Variants in AUNIP observed in about 807,000 individuals in gnomAD.
AUNIP encodes the protein aurora kinase A- and ninein-interacting protein.
In AUNIP, 16 loss-of-function variants were observed where a neutral mutation model predicts 12.2. That is an observed-to-expected ratio of 1.31 (90% CI 0.88 to 1.99). The LOEUF (loss-of-function observed/expected upper bound fraction) is 1.99. Ranked by LOEUF, AUNIP falls within the 30% of genes most tolerant of loss-of-function variation. The pLI, the probability that AUNIP is intolerant of heterozygous loss-of-function variation, is 0.00. For missense variants in AUNIP, 411 were observed against 419.1 expected (o/e 0.98, Z 0.17); for synonymous variants, 142 against 154.8 (o/e 0.92, Z 0.61).
chr1:25,855,837 G>A (rs1218448288), intron 1 of AUNIP, among the ~76,000 whole-genome samples: 1 of 152,194 alleles, frequency 6.6e-6, no homozygotes, highest in Non-Finnish European at 1.5e-5. Flanking sequence ...GGAAGTCAGA[G>A]TAATAGTTAA....
At chr1:25,853,915 T>G (rs2048440261) in intron 1 of AUNIP, among the ~76,000 whole-genome samples, 1 of 152,174 alleles carries the variant, frequency 6.6e-6, no homozygotes, top group Non-Finnish European at 1.5e-5. Flanking sequence ...CAATATTCTA[T>G]TCATTAGAAG....
intron 1 of AUNIP, among the ~76,000 whole-genome samples, chr1:25,840,140 GT>G (rs2048338982): frequency 6.6e-6 from 1 of 152,080 alleles, no homozygotes; most frequent in South Asian, 2.1e-4. Context: ...TAGCAGACAA[GT>G]TAACAGTTAA....
At position 25,847,563 on chromosome 1, in the gene AUNIP, C is replaced by A. The variant is rs898426539; in HGVS notation, c.79-10009G>T. ...TACAGGCATAAACCACCACACCCGA[C>A]CTTAAAAAACATTTAAGCAATCCCC... On this transcript the variant is annotated intron_variant, in intron 1 of 2. Transcript: ENST00000374298. This position sits in a 1 kb window ranked among gnomAD's most constrained non-coding sequence, Gnocchi z 4.2. Among the ~76,000 whole-genome samples, 3 of 152,118 alleles carry A rather than the reference C, an allele frequency of 2.0e-5. No homozygotes were observed. Among genetic ancestry groups the A allele is most frequent in the Non-Finnish European group, 4.4e-5 (3 of 68,020 alleles).
intron 1 of AUNIP, among the ~76,000 whole-genome samples, chr1:25,857,247 A>ATT (rs71004545): frequency 0.025 from 3,082 of 125,212 alleles, 146 homozygotes; most frequent in African/African-American, 0.082. Flanking sequence ...GCACATTTTG[A>ATT]TTTTTTTTTT....
intron 1 of AUNIP, among the ~76,000 whole-genome samples, chr1:25,856,031 A>G (rs552924133): frequency 6.6e-6 from 1 of 152,200 alleles, no homozygotes; most frequent in Non-Finnish European, 1.5e-5. Flanking sequence ...TGTTTTCACC[A>G]TAACATTGCC....
At chr1:25,858,784 T>C (rs1285788942) in intron 1 of AUNIP, among the ~76,000 whole-genome samples, 1 of 152,134 alleles carries the variant, frequency 6.6e-6, no homozygotes, top group Non-Finnish European at 1.5e-5. Context: ...CCCCTTCCCA[T>C]AGCTTCTACT....
intron 1 of AUNIP, among the ~76,000 whole-genome samples, chr1:25,843,185 A>AAATATATATATAT (rs1553123796): frequency 8.0e-6 from 1 of 124,956 alleles, no homozygotes; most frequent in Non-Finnish European, 1.7e-5. Context: ...AAAAAAAAAA[A>AAATATATATATAT]ATATATATAT....
At chr1:25,856,376 A>G (rs1464535921) in intron 1 of AUNIP, among the ~76,000 whole-genome samples, 1 of 151,120 alleles carries the variant, frequency 6.6e-6, no homozygotes, top group African/African-American at 2.4e-5. Context: ...AAAAAAAAAA[A>G]CAAAACAAAC....
chr1:25,836,157 G>A (rs1394155907), intron 2 of AUNIP, among the ~76,000 whole-genome samples: 1 of 152,150 alleles, frequency 6.6e-6, no homozygotes, highest in Non-Finnish European at 1.5e-5. Context: ...TTCATTTGTA[G>A]GTTTGTTTAA....
chr1:25,854,920 A>AATGTCATT (rs1553124662), intron 1 of AUNIP, among the ~76,000 whole-genome samples: 1 of 151,626 alleles, frequency 6.6e-6, no homozygotes, highest in East Asian at 1.9e-4. Context: ...CTAAAGCTGC[A>AATGTCATT]ATGTCATTTA....
intron 1 of AUNIP, among the ~76,000 whole-genome samples, chr1:25,849,108 C>T (rs927669054): frequency 2.0e-5 from 3 of 152,160 alleles, no homozygotes; most frequent in African/African-American, 7.2e-5. Flanking sequence ...ACTTTTATTT[C>T]GTGTTTCACA....
rs1172574849 is a variant in AUNIP, at chr1:25,834,292, A to G, written c.*701T>C. ...GAGTAATCATCCCAAGCTTAGGCTG[A>G]TGTGGGTTAAGATCAGCCAGAGATT... On this transcript the variant is annotated 3_prime_UTR_variant, in exon 3 of 3. Transcript: ENST00000374298. 1.0e-6 allele frequency: 1 copy of G among 985,364 alleles called. No homozygotes were observed. Among genetic ancestry groups the G allele is most frequent in the African/African-American group, 1.7e-5 (1 of 57,330 alleles). The allele number at this position is 985,364 out of a possible 1,614,324, so 61.0% of individuals were successfully genotyped here.
rs201681174 is a variant in AUNIP at position 25,835,309 on chromosome 1, G to A, written c.758C>T (p.Ser253Phe). Residue 253 changes from serine to phenylalanine, a missense_variant, in exon 3 of 3, where the codon TCC becomes TTC. Coordinates refer to ENST00000374298, the MANE Select transcript of AUNIP (RefSeq NM_024037.3). ...TGATTCTATGTTTTCTCCATTCCAG[G>A]ATTCCCTGTATGTTTGAAGGAGGAC... ...APVLLQTYRE[S>F]WNGENIESVK... The A allele has an allele frequency of 1.4e-4, 223 of 1,614,160 alleles. 5 individuals carry two copies. In the South Asian group the frequency reaches 1.9e-3, roughly 14 times the overall value.
At chr1:25,848,913 C>T (rs375065195) in intron 1 of AUNIP, among the ~76,000 whole-genome samples, 6 of 152,336 alleles carry the variant, frequency 3.9e-5, no homozygotes, top group African/African-American at 1.2e-4. Flanking sequence ...CCAGACTTGG[C>T]TCTCTATACC....
chr1:25,835,287 T>A lies in AUNIP; in HGVS notation c.780A>T (p.Glu260Asp). ...YRESWNGENI[E>D]SVKQSRSPVS... Reference sequence around the variant, plus strand: ...CTGGACTACGGCTTTGTTTCACTGATTCTATGTTTTCTCCATTCCAGGATT... The same window carrying A: ...CTGGACTACGGCTTTGTTTCACTGAATCTATGTTTTCTCCATTCCAGGATT... Residue 260 changes from glutamate (E) to aspartate (D), a missense_variant, in exon 3 of 3, where the codon GAA (glutamate) becomes GAT (aspartate). Physicochemically the swap from Glu to Asp is conservative, Grantham distance 45 (BLOSUM62 2). Coordinates refer to ENST00000374298, the MANE Select transcript of AUNIP (RefSeq NM_024037.3). 1 of 1,597,460 alleles carries A rather than the reference T, an allele frequency of 6.3e-7. No individual in the cohort carries two copies. Among genetic ancestry groups the A allele is most frequent in the Non-Finnish European group, 8.6e-7 (1 of 1,165,704 alleles).
At chr1:25,857,077 C>T (rs75297475) in intron 1 of AUNIP, among the ~76,000 whole-genome samples, 1,915 of 152,202 alleles carry the variant, frequency 0.013, 48 homozygotes, top group African/African-American at 0.044. Flanking sequence ...GTGATTACGC[C>T]ACCGCACTCT....
chr1:25,835,207 AGTT>A lies in AUNIP; in HGVS notation c.857_859del (p.Gln286del). On this transcript the variant is annotated inframe_deletion, in exon 3 of 3. Transcript: ENST00000374298. The stretch of plus-strand genomic sequence containing the variant: ...CTGGCCTTGAGAATCTTCAGTGAAA[AGTT>A]GACTCCAGGAGTCCTTGTCATTCTT... 6.2e-7 allele frequency: 1 copy of A among 1,614,186 alleles called. No individual in the cohort carries two copies. Among genetic ancestry groups the A allele is most frequent in the Non-Finnish European group, 8.5e-7 (1 of 1,180,024 alleles).
At chr1:25,856,751 T>C (rs1022013408) in intron 1 of AUNIP, among the ~76,000 whole-genome samples, 2 of 152,138 alleles carry the variant, frequency 1.3e-5, no homozygotes, top group African/African-American at 2.4e-5. Flanking sequence ...TCCTCTTCCC[T>C]GTGGAATATT....
chr1:25,848,487 A>G (rs75070649), intron 1 of AUNIP, among the ~76,000 whole-genome samples: 1 of 150,434 alleles, frequency 6.6e-6, no homozygotes, highest in Non-Finnish European at 1.5e-5. Flanking sequence ...CCGTCTCAAA[A>G]AAAAAAAAAA....
Sources: gnomAD v4.1 joint callset for allele counts (sites outside exome capture counted in the v4.1 genomes callset) on GRCh38, gnomAD v4.1.1 for gene constraint, Gnocchi (gnomAD v3.1) non-coding constraint, MANE v1.5 for transcripts, NCBI Gene and HGNC (gene_info 2026-07-23, HGNC 2026-07-21) for gene names.